REEP1: variants seen among roughly 807,000 people sequenced by gnomAD.
REEP1 encodes receptor expression-enhancing protein 1.
REEP1 carries 22 observed loss-of-function variants against 40.3 expected under a neutral mutation model. The observed-to-expected ratio is 0.55, with a 90% CI of 0.39 to 0.78. REEP1 has a LOEUF of 0.78. Among genes scored for constraint, REEP1 ranks in the 30% least tolerant of loss-of-function variants. The pLI is 0.00. For synonymous variants in REEP1, 116 were observed against 139.2 expected, an observed-to-expected ratio of 0.83 and a Z score of 1.17; for missense variants, 280 against 361.1, an observed-to-expected ratio of 0.78 and a Z score of 1.82.
intron 1 of REEP1, among the ~76,000 whole-genome samples, chr2:86,314,753 G>A (rs1354958293): frequency 6.7e-6 from 1 of 148,898 alleles, no homozygotes; most frequent in Admixed American, 6.6e-5. Flanking sequence ...TCAGGAGGCT[G>A]AGGTGGGAGG....
intron 1 of REEP1, among the ~76,000 whole-genome samples, chr2:86,322,089 T>C (rs191543275): frequency 4.9e-4 from 75 of 152,318 alleles, no homozygotes; most frequent in African/African-American, 1.7e-3. Context: ...AGATACTAAA[T>C]ACACTGGCAT....
chr2:86,251,178 A>C (rs779740929), intron 5 of REEP1, among the ~76,000 whole-genome samples: 2 of 152,188 alleles, frequency 1.3e-5, no homozygotes, highest in Non-Finnish European at 2.9e-5. Flanking sequence ...CACTAGGATG[A>C]TCTGCTGATT....
At chr2:86,221,245 T>C (rs1674411974) in intron 7 of REEP1, among the ~76,000 whole-genome samples, 1 of 152,202 alleles carries the variant, frequency 6.6e-6, no homozygotes, top group Admixed American at 6.5e-5. Flanking sequence ...TGGGCAGCTT[T>C]ACCAGTTACC....
chr2:86,276,933 G>A (rs1677786218), intron 2 of REEP1, among the ~76,000 whole-genome samples: 1 of 152,154 alleles, frequency 6.6e-6, no homozygotes, highest in African/African-American at 2.4e-5. Flanking sequence ...CTGCTCTAAC[G>A]CACTCACAAC....
intron 5 of REEP1, among the ~76,000 whole-genome samples, chr2:86,238,600 G>A (rs1675490097): frequency 6.6e-6 from 1 of 152,214 alleles, no homozygotes. Context: ...TCAGCCTGAT[G>A]CATCAGCCAG....
chr2:86,314,561 C>G (rs1265355382), intron 1 of REEP1, among the ~76,000 whole-genome samples: 1 of 151,874 alleles, frequency 6.6e-6, no homozygotes, highest in African/African-American at 2.4e-5. Flanking sequence ...TCTCCAGCCA[C>G]TCCTTAAAGG....
chr2:86,235,473 G>A (rs1182373242), intron 5 of REEP1, among the ~76,000 whole-genome samples: 2 of 152,220 alleles, frequency 1.3e-5, no homozygotes, highest in African/African-American at 4.8e-5. Flanking sequence ...TGATAATGAT[G>A]TTGATGCTGT....
At chr2:86,269,716 G>A (rs1044722176) in intron 2 of REEP1, among the ~76,000 whole-genome samples, 9 of 151,868 alleles carry the variant, frequency 5.9e-5, no homozygotes, top group African/African-American at 2.2e-4. Context: ...GGTAATAGGT[G>A]GTCAGGAAAA....
rs777316624 is a variant in REEP1 at position 86,251,986 on chromosome 2, C to T, written c.388G>A (p.Ala130Thr). 15 of 1,613,688 alleles carry T rather than the reference C, an allele frequency of 9.3e-6. No individual in the cohort carries two copies. The highest frequency in any genetic ancestry group is 3.3e-5 in the Admixed American group (2 of 60,022). ...HFGKRGLNVA[A>T]TAAVMAASKG... ...GAAGCAGCCATCACAGCCGCTGTGG[C>T]GGCCACGTTCAAGCCCCGCTTCCCG... The change falls in exon 5 of 9, where the codon GCC becomes ACC. Residue 130 changes from alanine to threonine, a missense_variant. By Grantham distance (58) the Ala-to-Thr change is moderately conservative. This residue lies in a region of REEP1 where 201 missense variants were observed against 238.5 expected (regional missense o/e 0.84). Coordinates refer to ENST00000538924, the MANE Select transcript of REEP1 (RefSeq NM_001371279.1).
intron 6 of REEP1, 112 bp from the exon 7 acceptor site, chr2:86,227,510 T>C: frequency 1.2e-6 from 1 of 859,572 alleles, no homozygotes; most frequent in Non-Finnish European, 1.5e-6. Flanking sequence ...GTGTACAATA[T>C]AGGGATCCCA....
chr2:86,311,097 C>T (rs1282900411), intron 1 of REEP1, among the ~76,000 whole-genome samples: 1 of 152,088 alleles, frequency 6.6e-6, no homozygotes, highest in South Asian at 2.1e-4. Context: ...AGCCAATTCA[C>T]GGAAATCAGG....
intron 4 of REEP1, among the ~76,000 whole-genome samples, chr2:86,252,725 A>G (rs1458307981): frequency 1.3e-5 from 2 of 152,200 alleles, no homozygotes; most frequent in South Asian, 2.1e-4. Flanking sequence ...CCATTTGTAT[A>G]TCGATGGGAG....
chr2:86,220,097 C>A lies in REEP1; in HGVS notation c.656G>T (p.Gly219Val). 1 of 1,232,130 alleles carries A rather than the reference C, an allele frequency of 8.1e-7. No individual in the cohort carries two copies. The highest frequency in any genetic ancestry group is 1.0e-6 in the Non-Finnish European group (1 of 987,980). 76.3% of individuals were successfully genotyped at this position (1,232,130 alleles called of 1,614,324 possible). A position where few individuals can be genotyped will look rare whatever the true frequency, so the allele number is the denominator to read the frequency against. The change falls in exon 8 of 9, where the codon GGT (glycine) becomes GTT (valine). Residue 219 changes from glycine (G) to valine (V), a missense_variant. This residue lies in a region of REEP1 where 201 missense variants were observed against 238.5 expected (regional missense o/e 0.84). Transcript: ENST00000538924. ...WKVVEGDVNE[G>V]GMKAWEPHQV... ...GTGGGGCTCCCATGCCTTCATACCA[C>A]CCTCATTCACATCTCCCTCAACCAC...
At chr2:86,324,341 A>T (rs1680406039) in intron 1 of REEP1, among the ~76,000 whole-genome samples, 1 of 152,240 alleles carries the variant, frequency 6.6e-6, no homozygotes, top group African/African-American at 2.4e-5. Flanking sequence ...AGACTTGAGC[A>T]GGCGCTTCAC....
intron 1 of REEP1, among the ~76,000 whole-genome samples, chr2:86,315,272 A>T (rs1307934954): frequency 2.0e-5 from 3 of 152,130 alleles, no homozygotes; most frequent in Non-Finnish European, 2.9e-5. Flanking sequence ...GCAAGGGCTG[A>T]GTGACACCCC....
intron 1 of REEP1, among the ~76,000 whole-genome samples, chr2:86,286,623 T>C (rs543011714): frequency 6.6e-6 from 1 of 152,246 alleles, no homozygotes; most frequent in Non-Finnish European, 1.5e-5. Context: ...TGGCCCCAAA[T>C]GGTAAAGACC....
At position 86,337,265 on chromosome 2, in the gene REEP1, C is replaced by A. The variant is rs930265775; in HGVS notation, c.32+214G>T. 3.7e-6 allele frequency: 1 copy of A among 266,840 alleles called. No individual in the cohort carries two copies. Among genetic ancestry groups the A allele is most frequent in the Non-Finnish European group, 6.9e-6 (1 of 144,398 alleles). 16.5% of individuals were successfully genotyped at this position (266,840 alleles called of 1,614,324 possible). The stretch of plus-strand genomic sequence containing the variant: ...TCCCGGCCCAGCCCCCCGCAAGCGG[C>A]CGCCGGCGCCGGCTGCCTCCTGGGC... On this transcript the variant is annotated intron_variant, in intron 1 of 8. Coordinates refer to ENST00000538924, the MANE Select transcript of REEP1 (RefSeq NM_001371279.1). This position sits in a 1 kb window ranked among gnomAD's most constrained non-coding sequence, Gnocchi z 5.8.
chr2:86,234,103 A>T (rs1325617880), intron 5 of REEP1, among the ~76,000 whole-genome samples: 1 of 152,100 alleles, frequency 6.6e-6, no homozygotes, highest in Non-Finnish European at 1.5e-5. Flanking sequence ...AATGAAAATG[A>T]ACCAACAAAG....
intron 1 of REEP1, among the ~76,000 whole-genome samples, chr2:86,282,492 G>A (rs1238475263): frequency 6.6e-6 from 1 of 151,968 alleles, no homozygotes; most frequent in Non-Finnish European, 1.5e-5. Context: ...AGGGTGGTTG[G>A]GGGTCATGGA....
Sources: gnomAD v4.1 joint callset for allele counts (sites outside exome capture counted in the v4.1 genomes callset) on GRCh38, gnomAD v4.1.1 for gene constraint, gnomAD v4.1.1 regional missense constraint, Gnocchi (gnomAD v3.1) non-coding constraint, MANE v1.5 for transcripts, NCBI Gene and HGNC (gene_info 2026-07-23, HGNC 2026-07-21) for gene names.